Variants in EPHA3 observed in about 807,000 individuals in gnomAD.
EPHA3 encodes ephrin type-A receptor 3.
EPHA3 carries 42 observed loss-of-function variants against 107.1 expected under a neutral mutation model. The ratio of observed to expected loss-of-function variants is 0.39; its 90% CI spans 0.31 to 0.51. EPHA3 has a LOEUF of 0.51. EPHA3 is among the 20% of genes least tolerant of loss of function. EPHA3 has a pLI of 0.78. For missense variants in EPHA3, 1,183 were observed against 1,211.2 expected, an observed-to-expected ratio of 0.98 and a Z score of 0.35; for synonymous variants, 461 against 424.8, an observed-to-expected ratio of 1.09 and a Z score of -1.05.
intron 3 of EPHA3, among the ~76,000 whole-genome samples, chr3:89,320,377 T>C (rs1308028539): frequency 6.6e-6 from 1 of 151,910 alleles, no homozygotes; most frequent in African/African-American, 2.4e-5. Flanking sequence ...CAAGTTACAG[T>C]TGACACAGAG....
At chr3:89,236,837 T>C (rs1249283245) in intron 3 of EPHA3, among the ~76,000 whole-genome samples, 1 of 152,180 alleles carries the variant, frequency 6.6e-6, no homozygotes, top group Non-Finnish European at 1.5e-5. Flanking sequence ...AATTACCATG[T>C]AAACGTGACT....
intron 1 of EPHA3, among the ~76,000 whole-genome samples, chr3:89,122,287 G>A (rs1707408694): frequency 6.6e-6 from 1 of 152,168 alleles, no homozygotes; most frequent in South Asian, 2.1e-4. Context: ...TGTAATCAAA[G>A]GATGGGCTTA....
At chr3:89,269,295 T>A (rs1705608282) in intron 3 of EPHA3, among the ~76,000 whole-genome samples, 1 of 152,134 alleles carries the variant, frequency 6.6e-6, no homozygotes, top group Non-Finnish European at 1.5e-5. Flanking sequence ...GAGCAGTGAC[T>A]TGGAACATTA....
At chr3:89,372,043 G>A (rs1201298237) in intron 5 of EPHA3, among the ~76,000 whole-genome samples, 2 of 150,488 alleles carry the variant, frequency 1.3e-5, no homozygotes, top group African/African-American at 2.5e-5. Context: ...GAGAGAGGGA[G>A]GAAAGAAAAA....
intron 5 of EPHA3, among the ~76,000 whole-genome samples, chr3:89,380,891 C>A (rs886310798): frequency 6.6e-6 from 1 of 151,990 alleles, no homozygotes; most frequent in Non-Finnish European, 1.5e-5. Context: ...GCCTCAGCCT[C>A]CCAAGTAGCT....
At chr3:89,192,746 C>T (rs1478999918) in intron 2 of EPHA3, among the ~76,000 whole-genome samples, 1 of 151,896 alleles carries the variant, frequency 6.6e-6, no homozygotes, top group East Asian at 1.9e-4. Context: ...GTATATGTTA[C>T]CATTTTAGGT....
rs761609325 is a variant in EPHA3 at position 89,419,401 on chromosome 3, T to A, written c.2074+11T>A. On this transcript the variant is annotated intron_variant, in intron 11 of 16. Coordinates refer to ENST00000336596, the MANE Select transcript of EPHA3 (RefSeq NM_005233.6). The stretch of plus-strand genomic sequence containing the variant: ...GAGTTGTTACCAAAAGTAAGTAAAG[T>A]AGTCATAAGACCTGTGTTTCCGTAT... The A allele has an allele frequency of 1.3e-6, 2 of 1,578,258 alleles. No homozygotes were observed. Among genetic ancestry groups the A allele is most frequent in the Middle Eastern group, 1.7e-4 (1 of 5,846 alleles).
In EPHA3 at chr3:89,178,097, C is replaced by T. The variant is rs866372952; in HGVS notation, c.154-31763C>T. 3.9e-5 allele frequency among the ~76,000 whole-genome samples: 6 copies of T among 151,992 alleles called. No individual in the cohort carries two copies. In the South Asian group the frequency reaches 1.0e-3, roughly 26 times the overall value. ...TGGGTTCTACCACTGAAATTTTTAT[C>T]TTCTTTGTGGATAGTCTTAAAGTGT... On this transcript the variant is annotated intron_variant, in intron 2 of 16. Coordinates refer to ENST00000336596, the MANE Select transcript of EPHA3 (RefSeq NM_005233.6).
intron 5 of EPHA3, among the ~76,000 whole-genome samples, chr3:89,351,221 T>G (rs1326017854): frequency 1.3e-5 from 2 of 151,280 alleles, no homozygotes; most frequent in Non-Finnish European, 3.0e-5. Context: ...CCAGCCTCGC[T>G]GCTGCCTTGC....
At chr3:89,287,126 T>G (rs1488407564) in intron 3 of EPHA3, among the ~76,000 whole-genome samples, 1 of 152,174 alleles carries the variant, frequency 6.6e-6, no homozygotes. Flanking sequence ...GAAAAACATT[T>G]CAAGCTGCAG....
At chr3:89,419,972 A>C (rs1709325548) in intron 11 of EPHA3, among the ~76,000 whole-genome samples, 1 of 151,348 alleles carries the variant, frequency 6.6e-6, no homozygotes. Context: ...GCTCTGTGGA[A>C]GCTCTGGCTC....
intron 5 of EPHA3, among the ~76,000 whole-genome samples, chr3:89,393,542 A>G (rs938550506): frequency 2.0e-5 from 3 of 152,218 alleles, no homozygotes; most frequent in African/African-American, 7.2e-5. Context: ...TGAAAGTTTC[A>G]TGGTGGTATC....
intron 2 of EPHA3, among the ~76,000 whole-genome samples, chr3:89,207,506 T>C (rs1706134642): frequency 1.3e-5 from 2 of 152,194 alleles, no homozygotes; most frequent in Non-Finnish European, 2.9e-5. Context: ...TTTTAGGCAG[T>C]AGTATTTTTT....
At chr3:89,184,740 TC>T in intron 2 of EPHA3, among the ~76,000 whole-genome samples, 1 of 152,112 alleles carries the variant, frequency 6.6e-6, no homozygotes, top group South Asian at 2.1e-4. Context: ...AGCATTTTCT[TC>T]CCCACATCTA....
At chr3:89,170,441 G>A (rs900337316) in intron 2 of EPHA3, among the ~76,000 whole-genome samples, 1 of 152,118 alleles carries the variant, frequency 6.6e-6, no homozygotes, top group Non-Finnish European at 1.5e-5. Context: ...CACTTAGCCT[G>A]GCTCTCTGTC....
At chr3:89,176,073 C>A (rs1430464849) in intron 2 of EPHA3, among the ~76,000 whole-genome samples, 1 of 152,040 alleles carries the variant, frequency 6.6e-6, no homozygotes, top group Non-Finnish European at 1.5e-5. Flanking sequence ...TTAGCATTTT[C>A]CCATTTCATT....
chr3:89,188,500 T>A (rs1435868020), intron 2 of EPHA3, among the ~76,000 whole-genome samples: 1 of 152,232 alleles, frequency 6.6e-6, no homozygotes, highest in Admixed American at 6.5e-5. Context: ...TCTTGATTTC[T>A]AATAAATGAA....
chr3:89,184,301 G>A (rs1705511828), intron 2 of EPHA3, among the ~76,000 whole-genome samples: 1 of 151,968 alleles, frequency 6.6e-6, no homozygotes, highest in Admixed American at 6.6e-5. Flanking sequence ...CATCAAAATG[G>A]AGGCCCCTGT....
intron 5 of EPHA3, among the ~76,000 whole-genome samples, chr3:89,390,028 G>A (rs1277303888): frequency 3.3e-5 from 5 of 151,810 alleles, no homozygotes; most frequent in African/African-American, 1.2e-4. Context: ...GTCTCACTCT[G>A]TCGCCCTGAC....
Sources: allele counts gnomAD v4.1 joint callset (sites outside exome capture counted in the v4.1 genomes callset), GRCh38; gene constraint gnomAD v4.1.1; transcripts MANE v1.5; gene names NCBI Gene and HGNC (gene_info 2026-07-23, HGNC 2026-07-21).